RPL3L: variants seen among roughly 807,000 people sequenced by gnomAD.
The protein encoded by RPL3L is ribosomal protein uL3-like.
Under a neutral mutation model 44.5 loss-of-function variants are expected in RPL3L, and 44 were observed. The ratio of observed to expected loss-of-function variants is 0.99; its 90% CI spans 0.78 to 1.27. The LOEUF (loss-of-function observed/expected upper bound fraction) is 1.27. Among genes scored for constraint, RPL3L ranks in the 50% most tolerant of loss-of-function variants. The probability of loss-of-function intolerance (pLI) is 0.00; values close to 1 mark genes in which losing one functional copy is unlikely to be tolerated. For missense variants in RPL3L, 631 were observed against 569.1 expected, an observed-to-expected ratio of 1.11 and a Z score of -1.11; for synonymous variants, 292 against 230.7, an observed-to-expected ratio of 1.27 and a Z score of -2.41.
At position 1,947,016 on chromosome 16, in the gene RPL3L, C is replaced by G; in HGVS notation, c.771G>C (p.Trp257Cys). The change falls in exon 6 of 10, where the codon TGG becomes TGC. Residue 257 changes from tryptophan to cysteine, a missense_variant. Trp to Cys is a radical substitution (Grantham distance 215). Coordinates refer to ENST00000268661, the MANE Select transcript of RPL3L (RefSeq NM_005061.3). ...TGGAGCAGCCCACGCGGGCGGGGTG[C>G]CAGGCGCCAATGCAGGCCACCTTGC... ...GLRKVACIGA[W>C]HPARVGCSIA... The G allele has an allele frequency of 6.2e-7, 1 of 1,612,206 alleles. No individual in the cohort carries two copies. Among genetic ancestry groups the G allele is most frequent in the Non-Finnish European group, 8.5e-7 (1 of 1,179,708 alleles).
At chr16:1,952,838 C>T (rs751392231) in intron 3 of RPL3L, 36 bp downstream of exon 3, 4 of 1,609,460 alleles carry the variant, frequency 2.5e-6, no homozygotes, top group South Asian at 1.1e-5. Flanking sequence ...GTGGTCCCAG[C>T]AGCCCTTGGA....
rs1410602364 is a variant in RPL3L, at chr16:1,950,870, C to A, written c.475G>T (p.Val159Phe). 1.2e-6 allele frequency: 2 copies of A among 1,613,934 alleles called. No individual in the cohort carries two copies. The highest frequency in any genetic ancestry group is 2.7e-5 in the African/African-American group (2 of 74,866). ...DFAAMKKYCKVIRVIVHTQMK... is the reference protein window; with the variant it reads ...DFAAMKKYCKFIRVIVHTQMK... ...TGAGTGTGGACAATGACCCGAATGACCTTGCAGTACTTCTTCATGGCGGCG... is the reference window on the plus strand; with the variant it reads ...TGAGTGTGGACAATGACCCGAATGAACTTGCAGTACTTCTTCATGGCGGCG... Residue 159 changes from valine to phenylalanine, a missense_variant, in exon 4 of 10, where the codon GTC (valine) becomes TTC (phenylalanine). Physicochemically the swap from Val to Phe is conservative, Grantham distance 50. Coordinates refer to ENST00000268661, the MANE Select transcript of RPL3L (RefSeq NM_005061.3).
Position 1,945,491 on chromosome 16 carries a change from G to T in RPL3L, c.1167+8C>A. The stretch of plus-strand genomic sequence containing the variant: ...AGAGAAGAACAAGGATGGGGGCGGT[G>T]AGCTCACCATGAAGGCCCTCTTCTC... On this transcript the variant is annotated splice_region_variant and intron_variant, in intron 9 of 9. Transcript: ENST00000268661. 6.2e-7 allele frequency: 1 copy of T among 1,607,586 alleles called. No individual in the cohort carries two copies. The highest frequency in any genetic ancestry group is 1.1e-5 in the South Asian group (1 of 90,012).
intron 3 of RPL3L, 51 bp from the exon 4 acceptor site, chr16:1,951,030 C>G: frequency 6.3e-7 from 1 of 1,592,624 alleles, no homozygotes. Flanking sequence ...GGGCAGCTCC[C>G]CAGGCCTATC....
chr16:1,948,285 G>A (rs1050167799), intron 4 of RPL3L, among the ~76,000 whole-genome samples: 1 of 148,458 alleles, frequency 6.7e-6, no homozygotes, highest in East Asian at 2.0e-4. Flanking sequence ...GTACAGTGGG[G>A]CGATCTCGGC....
intron 3 of RPL3L, among the ~76,000 whole-genome samples, chr16:1,952,157 C>T (rs1041017599): frequency 6.6e-5 from 10 of 150,730 alleles, no homozygotes; most frequent in Middle Eastern, 3.2e-3. Flanking sequence ...TTAGTAGAGA[C>T]GGGTTTTCAC....
chr16:1,947,333 G>A lies in RPL3L; in HGVS notation c.549C>T (p.Ile183=). 1 of 1,608,516 alleles carries A rather than the reference G, an allele frequency of 6.2e-7. No individual in the cohort carries two copies. Among genetic ancestry groups the A allele is most frequent in the South Asian group, 1.1e-5 (1 of 90,764 alleles). Reference sequence around the variant, plus strand: ...CGGCCACCGTGCCACCGTTCAGCTGGATCTCCATGATGTGGGCCTTCTTCT... The same window carrying A: ...CGGCCACCGTGCCACCGTTCAGCTGAATCTCCATGATGTGGGCCTTCTTCT... ...FRQKKAHIME[I]QLNGGTVAEK... is the part of the protein sequence containing the mutation. The change falls in exon 5 of 10, where the codon ATC becomes ATT. Residue 183 remains isoleucine, a synonymous_variant. Transcript: ENST00000268661.
chr16:1,950,980 C>G lies in RPL3L; in HGVS notation c.366-1G>C. The stretch of plus-strand genomic sequence containing the variant: ...GAAGGCTTTCTTCTTGCTCTTGTGC[C>G]TGAGCCATGCACAGGAGGGTGCTCA... On this transcript the variant is annotated splice_acceptor_variant, in intron 3 of 9. Coordinates refer to ENST00000268661, the MANE Select transcript of RPL3L (RefSeq NM_005061.3). LOFTEE classifies it high-confidence loss of function. 1.2e-6 allele frequency: 2 copies of G among 1,613,696 alleles called. No homozygotes were observed. The highest frequency in any genetic ancestry group is 1.7e-6 in the Non-Finnish European group (2 of 1,179,922).
At chr16:1,952,739 C>T (rs2083178781) in intron 3 of RPL3L, 135 bp downstream of exon 3, 4 of 997,164 alleles carry the variant, frequency 4.0e-6, no homozygotes, top group Non-Finnish European at 1.5e-6. Context: ...ACAGACACTC[C>T]TACCTCCCAC....
chr16:1,945,800 G>A, intron 8 of RPL3L, 35 bp downstream of exon 8: 2 of 1,612,444 alleles, frequency 1.2e-6, no homozygotes, highest in Non-Finnish European at 1.7e-6. Flanking sequence ...GCAGCCCTCG[G>A]GCACCCACTC....
intron 4 of RPL3L, among the ~76,000 whole-genome samples, chr16:1,950,123 A>ATG: frequency 3.7e-5 from 1 of 27,218 alleles, no homozygotes; most frequent in Non-Finnish European, 6.7e-5. Flanking sequence ...GCAGGTATGT[A>ATG]GGGGGCAGGT....
intron 2 of RPL3L, 95 bp from the exon 3 acceptor site, chr16:1,953,137 A>T (rs2083183598): frequency 2.2e-6 from 3 of 1,337,310 alleles, no homozygotes; most frequent in South Asian, 1.4e-5. Flanking sequence ...AGGACAGGAG[A>T]GTGTGGGGCC....
intron 3 of RPL3L, among the ~76,000 whole-genome samples, chr16:1,952,158 G>A (rs1369923014): frequency 5.3e-5 from 8 of 150,626 alleles, no homozygotes; most frequent in South Asian, 2.1e-4. Flanking sequence ...TAGTAGAGAC[G>A]GGTTTTCACC....
At position 1,945,242 on chromosome 16, in the gene RPL3L, C is replaced by T. The variant is rs111848198; in HGVS notation, c.1167+257G>A. Among the ~76,000 whole-genome samples the T allele has an allele frequency of 3.0e-3, 450 of 152,064 alleles. 9 individuals are homozygous for T. Among genetic ancestry groups the T allele is most frequent in the African/African-American group, 0.01 (432 of 41,458 alleles). Reference sequence around the variant, plus strand: ...TGGTGGCACGTGCCTGTAGTACCAACGACTGGGTAGGCTGAATCTGGAGAA... The same window carrying T: ...TGGTGGCACGTGCCTGTAGTACCAATGACTGGGTAGGCTGAATCTGGAGAA... On this transcript the variant is annotated intron_variant, in intron 9 of 9. Transcript: ENST00000268661.
At chr16:1,952,073 C>G (rs1456384048) in intron 3 of RPL3L, among the ~76,000 whole-genome samples, 1 of 151,892 alleles carries the variant, frequency 6.6e-6, no homozygotes, top group Non-Finnish European at 1.5e-5. Context: ...CTCAGCCTCC[C>G]AAGTAGCTGG....
At position 1,952,814 on chromosome 16, in the gene RPL3L, G is replaced by C. The variant is rs951964646; in HGVS notation, c.365+60C>G. The C allele has an allele frequency of 2.3e-5, 37 of 1,591,290 alleles. No homozygotes were observed. The African/African-American group carries it at 4.3e-4, about 19-fold the overall frequency. On this transcript the variant is annotated intron_variant, in intron 3 of 9. Coordinates refer to ENST00000268661, the MANE Select transcript of RPL3L (RefSeq NM_005061.3). ...CATTTCAGCAAGAGCTAGAGCCTCA[G>C]GCACCCAACTTCTGTGGTCCCAGCA...
intron 2 of RPL3L, 22 bp from the exon 3 acceptor site, chr16:1,953,064 G>A (rs776438506): frequency 1.9e-5 from 30 of 1,570,194 alleles, no homozygotes; most frequent in Non-Finnish European, 2.5e-5. Context: ...ACAGGGATGG[G>A]GCATGAAGGG....
chr16:1,951,271 A>T (rs1171141936), intron 3 of RPL3L, among the ~76,000 whole-genome samples: 1 of 152,214 alleles, frequency 6.6e-6, no homozygotes, highest in Non-Finnish European at 1.5e-5. Context: ...CCAGCCCTGC[A>T]GTCCAGGCAC....
intron 4 of RPL3L, among the ~76,000 whole-genome samples, chr16:1,947,733 G>A (rs1469552631): frequency 1.3e-5 from 2 of 152,114 alleles, no homozygotes; most frequent in African/African-American, 2.4e-5. Context: ...ACAAGTAGGA[G>A]CCACGAGGCA....
Sources: gnomAD v4.1 joint callset for allele counts (sites outside exome capture counted in the v4.1 genomes callset) on GRCh38, gnomAD v4.1.1 for gene constraint, MANE v1.5 for transcripts, NCBI Gene and HGNC (gene_info 2026-07-23, HGNC 2026-07-21) for gene names.